Variants in MAGI2 observed in about 807,000 individuals in gnomAD.
The protein encoded by MAGI2 is membrane-associated guanylate kinase, WW and PDZ domain-containing protein 2.
Under a neutral mutation model 133.3 loss-of-function variants are expected in MAGI2, and 35 were observed. The ratio of observed to expected loss-of-function variants is 0.26; its 90% CI spans 0.20 to 0.35. MAGI2 has a LOEUF of 0.35. Ranked by LOEUF, MAGI2 falls within the 10% of genes least tolerant of loss-of-function variation. The pLI, the probability that MAGI2 is intolerant of heterozygous loss-of-function variation, is 1.00. For missense variants in MAGI2, 1,636 were observed against 1,863.4 expected (o/e 0.88, Z 2.25); for synonymous variants, 729 against 710.6 (o/e 1.03, Z -0.41).
chr7:79,421,834 T>A (rs998382402), intron 1 of MAGI2, among the ~76,000 whole-genome samples: 2 of 152,080 alleles, frequency 1.3e-5, no homozygotes, highest in South Asian at 4.1e-4. Context: ...TCACATCTAA[T>A]CAGTATGCAT....
intron 2 of MAGI2, among the ~76,000 whole-genome samples, chr7:78,792,497 A>G (rs1375768274): frequency 6.6e-6 from 1 of 152,232 alleles, no homozygotes; most frequent in East Asian, 1.9e-4. Context: ...AAGTGTGAGA[A>G]GCCGATCATG....
At chr7:78,824,538 C>CT in intron 2 of MAGI2, among the ~76,000 whole-genome samples, 1 of 152,258 alleles carries the variant, frequency 6.6e-6, no homozygotes, top group East Asian at 1.9e-4. Flanking sequence ...AGATGATGAG[C>CT]TTTTTTTCAT....
intron 1 of MAGI2, among the ~76,000 whole-genome samples, chr7:79,142,029 G>A (rs917994222): frequency 5.9e-5 from 9 of 151,710 alleles, no homozygotes; most frequent in African/African-American, 2.2e-4. Flanking sequence ...ATGTTGGTTG[G>A]GTACAATAGG....
intron 6 of MAGI2, among the ~76,000 whole-genome samples, chr7:78,386,769 C>T (rs952509555): frequency 1.3e-5 from 2 of 152,114 alleles, no homozygotes; most frequent in South Asian, 2.1e-4. Flanking sequence ...CATGCAAACA[C>T]GAAAACTATT....
intron 2 of MAGI2, among the ~76,000 whole-genome samples, chr7:78,713,793 C>T (rs1819439387): frequency 6.6e-6 from 1 of 152,054 alleles, no homozygotes; most frequent in African/African-American, 2.4e-5. Context: ...TGGAAAAATG[C>T]ATGGAGAACC....
intron 2 of MAGI2, among the ~76,000 whole-genome samples, chr7:78,895,516 G>C (rs1797137881): frequency 8.9e-6 from 1 of 112,414 alleles, no homozygotes; most frequent in South Asian, 3.9e-4. Flanking sequence ...TGTTTATGTA[G>C]AGCTTTAAAA....
At chr7:78,254,263 C>T (rs1792734064) in intron 10 of MAGI2, 1 of 152,084 alleles carries the variant, frequency 6.6e-6, no homozygotes, top group South Asian at 2.1e-4. Context: ...CTATGTCATG[C>T]TTTTAGAAGA....
chr7:78,311,655 ACT>A (rs1458385527), intron 9 of MAGI2, among the ~76,000 whole-genome samples: 1 of 152,232 alleles, frequency 6.6e-6, no homozygotes, highest in Non-Finnish European at 1.5e-5. Flanking sequence ...CTTGATTATA[ACT>A]CTAGATCAAT....
chr7:78,295,061 TCTTAC>T (rs1410041986), intron 9 of MAGI2, among the ~76,000 whole-genome samples: 1 of 152,152 alleles, frequency 6.6e-6, no homozygotes, highest in Non-Finnish European at 1.5e-5. Context: ...ATGAGCCTCA[TCTTAC>T]CTTGTCTTTG....
chr7:78,365,533 T>G (rs1355876796), intron 7 of MAGI2, among the ~76,000 whole-genome samples: 1 of 152,316 alleles, frequency 6.6e-6, no homozygotes, highest in East Asian at 1.9e-4. Context: ...TTTCCTCATC[T>G]GTAAACTTAA....
chr7:78,727,132 G>C, intron 2 of MAGI2, among the ~76,000 whole-genome samples: 1 of 152,154 alleles, frequency 6.6e-6, no homozygotes, highest in East Asian at 1.9e-4. Context: ...AGCAATAACA[G>C]TTTGATAAGC....
intron 2 of MAGI2, among the ~76,000 whole-genome samples, chr7:78,996,630 C>A (rs1331933836): frequency 6.6e-6 from 1 of 152,020 alleles, no homozygotes; most frequent in Non-Finnish European, 1.5e-5. Flanking sequence ...ACTTATGTAA[C>A]AAAACGGCAC....
At chr7:79,200,954 A>C (rs914594641) in intron 1 of MAGI2, among the ~76,000 whole-genome samples, 1 of 151,840 alleles carries the variant, frequency 6.6e-6, no homozygotes, top group African/African-American at 2.4e-5. Context: ...CAAGAGTAAC[A>C]CTCCTTACCT....
At chr7:78,511,888 G>A (rs1037386472) in intron 4 of MAGI2, among the ~76,000 whole-genome samples, 1 of 151,344 alleles carries the variant, frequency 6.6e-6, no homozygotes, top group African/African-American at 2.4e-5. Flanking sequence ...AAAGTCAGGA[G>A]ATCGAGACCA....
intron 15 of MAGI2, among the ~76,000 whole-genome samples, chr7:78,165,399 T>C (rs963063066): frequency 3.9e-5 from 6 of 152,216 alleles, no homozygotes; most frequent in African/African-American, 1.2e-4. Context: ...AGTTTTTGTG[T>C]TATCTTAGTT....
chr7:78,946,607 T>A (rs1172236604), intron 2 of MAGI2: 1 of 152,186 alleles, frequency 6.6e-6, no homozygotes, highest in African/African-American at 2.4e-5. Flanking sequence ...TGGCAGATAA[T>A]TGCTTTTCAT....
intron 2 of MAGI2, among the ~76,000 whole-genome samples, chr7:78,810,699 A>G (rs957116013): frequency 2.0e-5 from 3 of 152,076 alleles, no homozygotes; most frequent in Non-Finnish European, 2.9e-5. Flanking sequence ...ATGACTCCCA[A>G]TACAATTTTA....
chr7:78,193,860 A>G (rs887675144), intron 12 of MAGI2, among the ~76,000 whole-genome samples: 7 of 152,184 alleles, frequency 4.6e-5, no homozygotes, highest in Admixed American at 1.3e-4. Context: ...TTAGTTCTAC[A>G]AAGAGTTGTA....
At chr7:78,156,637 G>A (rs1448775961) in intron 16 of MAGI2, among the ~76,000 whole-genome samples, 1 of 152,032 alleles carries the variant, frequency 6.6e-6, no homozygotes, top group East Asian at 1.9e-4. Flanking sequence ...AAGAGGTCAT[G>A]TAACTTCCTC....
Sources: allele counts gnomAD v4.1 joint callset (sites outside exome capture counted in the v4.1 genomes callset), GRCh38; gene constraint gnomAD v4.1.1; transcripts MANE v1.5; gene names NCBI Gene and HGNC (gene_info 2026-07-23, HGNC 2026-07-21).